PARN: variants seen among roughly 807,000 people sequenced by gnomAD.
PARN encodes poly(A)-specific ribonuclease PARN.
PARN carries 71 observed loss-of-function variants against 102.8 expected under a neutral mutation model. The observed-to-expected ratio is 0.69, with a 90% CI of 0.57 to 0.84. The LOEUF (loss-of-function observed/expected upper bound fraction) is 0.84. PARN is among the 40% of genes least tolerant of loss of function. The probability of loss-of-function intolerance (pLI) is 0.00; values close to 1 mark genes in which losing one functional copy is unlikely to be tolerated. For missense variants in PARN, 782 were observed against 760.9 expected (o/e 1.03, Z -0.33); for synonymous variants, 261 against 252.9 (o/e 1.03, Z -0.30).
intron 23 of PARN, among the ~76,000 whole-genome samples, chr16:14,443,937 A>G (rs2151553127): frequency 6.6e-6 from 1 of 152,046 alleles, no homozygotes; most frequent in African/African-American, 2.4e-5. Context: ...CGTGCCTAGC[A>G]CTCTAATACA....
chr16:14,522,983 C>T (rs1965816660), intron 21 of PARN, among the ~76,000 whole-genome samples: 2 of 152,272 alleles, frequency 1.3e-5, no homozygotes, highest in African/African-American at 4.8e-5. Flanking sequence ...CATATAGATG[C>T]TCTTCACAAA....
intron 23 of PARN, among the ~76,000 whole-genome samples, chr16:14,439,371 C>A: frequency 1.6e-5 from 1 of 61,658 alleles, no homozygotes; most frequent in Admixed American, 2.4e-4. Flanking sequence ...GTGAAACTGT[C>A]GCACAAAAAA....
intron 12 of PARN, among the ~76,000 whole-genome samples, chr16:14,598,623 T>C (rs1970672639): frequency 6.6e-6 from 1 of 152,218 alleles, no homozygotes; most frequent in Non-Finnish European, 1.5e-5. Context: ...GCTCACAGCA[T>C]TGTTTCTCTC....
rs553270071 is a variant in PARN at position 14,559,938 on chromosome 16, G to A, written c.1263-4229C>T. On this transcript the variant is annotated intron_variant, in intron 18 of 23. Coordinates refer to ENST00000437198, the MANE Select transcript of PARN (RefSeq NM_002582.4). ...TCTAAAACTGTGGCTGAGTGTCTGC[G>A]GAACTGAACCAAAGTAAACTCTCCC... 5.3e-5 allele frequency among the ~76,000 whole-genome samples: 8 copies of A among 152,232 alleles called. No homozygotes were observed. In the South Asian group the frequency reaches 1.2e-3, roughly 24 times the overall value.
At chr16:14,477,618 A>C (rs1963138602) in intron 22 of PARN, among the ~76,000 whole-genome samples, 1 of 150,698 alleles carries the variant, frequency 6.6e-6, no homozygotes, top group African/African-American at 2.4e-5. Context: ...TCTACTAAAA[A>C]TCGAAAAAAA....
chr16:14,622,282 T>C (rs547743385), intron 5 of PARN, among the ~76,000 whole-genome samples: 58 of 152,332 alleles, frequency 3.8e-4, no homozygotes, highest in African/African-American at 1.2e-3. Flanking sequence ...ATATATCCTA[T>C]GTCTCAACAA....
intron 9 of PARN, 55 bp from the exon 10 acceptor site, chr16:14,606,581 A>G (rs985672275): frequency 1.8e-5 from 17 of 920,712 alleles, no homozygotes; most frequent in East Asian, 1.0e-4. Flanking sequence ...GCTAAATCCC[A>G]AAGTATTTTA....
intron 22 of PARN, among the ~76,000 whole-genome samples, chr16:14,464,054 G>A (rs527566425): frequency 2.6e-5 from 4 of 152,204 alleles, no homozygotes; most frequent in Admixed American, 2.6e-4. Flanking sequence ...TATTGCCCAG[G>A]CAGGTCGTGA....
intron 22 of PARN, among the ~76,000 whole-genome samples, chr16:14,460,158 A>G (rs1596451451): frequency 6.6e-6 from 1 of 152,128 alleles, no homozygotes; most frequent in Admixed American, 6.5e-5. Flanking sequence ...TATAAAGCCA[A>G]TTTTTCACCT....
At chr16:14,458,327 A>T (rs1442039561) in intron 22 of PARN, among the ~76,000 whole-genome samples, 1 of 152,224 alleles carries the variant, frequency 6.6e-6, no homozygotes, top group East Asian at 1.9e-4. Context: ...AGGACTTACT[A>T]ATCAAATTAG....
intron 14 of PARN, among the ~76,000 whole-genome samples, chr16:14,585,492 C>G (rs1567415867): frequency 6.6e-6 from 1 of 150,898 alleles, no homozygotes; most frequent in Non-Finnish European, 1.5e-5. Context: ...AAGACACAAA[C>G]ACTTGTTCGG....
intron 21 of PARN, among the ~76,000 whole-genome samples, chr16:14,496,163 C>A (rs1414519087): frequency 6.6e-6 from 1 of 152,220 alleles, no homozygotes; most frequent in Non-Finnish European, 1.5e-5. Flanking sequence ...CTGAAGATGG[C>A]GATTCTGACA....
intron 12 of PARN, among the ~76,000 whole-genome samples, chr16:14,598,018 C>T (rs1970631326): frequency 6.6e-6 from 1 of 152,096 alleles, no homozygotes. Context: ...GTAGCAGGCA[C>T]CTGTAATCCC....
chr16:14,609,144 A>G, intron 7 of PARN, 21 bp from the exon 8 acceptor site: 1 of 1,228,750 alleles, frequency 8.1e-7, no homozygotes, highest in African/African-American at 1.5e-5. Context: ...AGAATAGACC[A>G]TAACCATCAG....
intron 10 of PARN, among the ~76,000 whole-genome samples, chr16:14,604,621 T>C (rs1971074886): frequency 6.6e-6 from 1 of 151,926 alleles, no homozygotes. Context: ...CTGCTGCCAT[T>C]AGAATTTTTT....
At chr16:14,608,136 A>C in intron 9 of PARN, 145 bp downstream of exon 9, 1 of 662,908 alleles carries the variant, frequency 1.5e-6, no homozygotes, top group Admixed American at 3.2e-5. Context: ...GTGAGTATTC[A>C]ACTTAAGAAA....
chr16:14,585,791 G>A (rs1292544875), intron 14 of PARN, among the ~76,000 whole-genome samples: 2 of 152,064 alleles, frequency 1.3e-5, no homozygotes. Context: ...TAAGAAAAAA[G>A]GAGTCGTTGG....
intron 21 of PARN, among the ~76,000 whole-genome samples, chr16:14,488,758 T>G (rs893141456): frequency 6.6e-6 from 1 of 152,180 alleles, no homozygotes; most frequent in African/African-American, 2.4e-5. Flanking sequence ...TCCCCAGTGG[T>G]TGTACGACCA....
In PARN at chr16:14,446,989, T is replaced by G. The variant is rs1305045055; in HGVS notation, c.1763A>C (p.Asp588Ala). 2 of 1,613,578 alleles carry G rather than the reference T, an allele frequency of 1.2e-6. No homozygotes were observed. Among genetic ancestry groups the G allele is most frequent in the African/African-American group, 2.7e-5 (2 of 74,902 alleles). ...LEDGVSGEIS[D>A]TELEQTDSCA... ...GGAATCGGTCTGCTCAAGCTCAGTGTCGGAAATCTCCCCTGACACTCCGTC... is the reference window on the plus strand; with the variant it reads ...GGAATCGGTCTGCTCAAGCTCAGTGGCGGAAATCTCCCCTGACACTCCGTC... The change falls in exon 23 of 24, where the codon GAC becomes GCC. Residue 588 changes from aspartate (D) to alanine (A), a missense_variant. Coordinates refer to ENST00000437198, the MANE Select transcript of PARN (RefSeq NM_002582.4).
Sources: gnomAD v4.1 joint callset for allele counts (sites outside exome capture counted in the v4.1 genomes callset) on GRCh38, gnomAD v4.1.1 for gene constraint, MANE v1.5 for transcripts, NCBI Gene and HGNC (gene_info 2026-07-23, HGNC 2026-07-21) for gene names.